MAML3: variants seen among roughly 807,000 people sequenced by gnomAD.
MAML3 encodes mastermind-like protein 3.
Under a neutral mutation model 101.9 loss-of-function variants are expected in MAML3, and 27 were observed. The observed-to-expected ratio is 0.27, with a 90% CI of 0.20 to 0.37. MAML3 has a LOEUF of 0.37. MAML3 is among the 10% of genes least tolerant of loss of function. The probability of loss-of-function intolerance (pLI) is 1.00; values close to 1 mark genes in which losing one functional copy is unlikely to be tolerated. For synonymous variants in MAML3, 501 were observed against 555.9 expected (o/e 0.90, Z 1.39); for missense variants, 1,316 against 1,444.9 (o/e 0.91, Z 1.45).
At chr4:140,138,864 A>C (rs970645389) in intron 1 of MAML3, among the ~76,000 whole-genome samples, 2 of 152,242 alleles carry the variant, frequency 1.3e-5, no homozygotes, top group African/African-American at 2.4e-5. Flanking sequence ...ATCTTCTTTG[A>C]CTTAGTATCC....
chr4:140,029,638 A>G (rs1726877373), intron 1 of MAML3, among the ~76,000 whole-genome samples: 1 of 152,214 alleles, frequency 6.6e-6, no homozygotes, highest in African/African-American at 2.4e-5. Context: ...TAAGCATAAT[A>G]CTATTTATAA....
intron 1 of MAML3, among the ~76,000 whole-genome samples, chr4:139,940,373 C>T (rs1389862059): frequency 6.6e-6 from 1 of 152,012 alleles, no homozygotes; most frequent in Non-Finnish European, 1.5e-5. Flanking sequence ...TAATAGGGCA[C>T]CTAAAGATTG....
intron 2 of MAML3, among the ~76,000 whole-genome samples, chr4:139,821,219 G>A (rs929836806): frequency 4.6e-5 from 7 of 152,110 alleles, no homozygotes; most frequent in African/African-American, 1.7e-4. Context: ...TTAGGCCAGG[G>A]GTCCCCAATC....
intron 1 of MAML3, among the ~76,000 whole-genome samples, chr4:140,143,374 C>G (rs1021461289): frequency 6.6e-6 from 1 of 152,184 alleles, no homozygotes; most frequent in Non-Finnish European, 1.5e-5. Flanking sequence ...ATGAAAGTCA[C>G]TCATTAAAAT....
chr4:139,829,910 T>C (rs1731131713), intron 2 of MAML3, among the ~76,000 whole-genome samples: 1 of 152,220 alleles, frequency 6.6e-6, no homozygotes, highest in African/African-American at 2.4e-5. Context: ...AGAAAGAGGA[T>C]AGCCTCTGTG....
intron 1 of MAML3, among the ~76,000 whole-genome samples, chr4:139,905,003 T>G (rs1369430882): frequency 2.0e-5 from 3 of 152,224 alleles, no homozygotes; most frequent in Admixed American, 6.5e-5. Context: ...TGTCATTATG[T>G]AGCACCTGAC....
chr4:140,025,002 G>T (rs1521495), intron 1 of MAML3, among the ~76,000 whole-genome samples: 126,905 of 152,188 alleles, frequency 0.83, 53,857 homozygotes, highest in Non-Finnish European at 0.91. Flanking sequence ...AAGAGTACTC[G>T]ATGGCTATGT....
At chr4:139,748,965 G>A (rs1464423271) in intron 2 of MAML3, among the ~76,000 whole-genome samples, 4 of 152,082 alleles carry the variant, frequency 2.6e-5, no homozygotes, top group Non-Finnish European at 5.9e-5. Context: ...ATAGAGTGTG[G>A]GCACGATTGT....
intron 1 of MAML3, among the ~76,000 whole-genome samples, chr4:139,976,451 T>C (rs1734341097): frequency 6.6e-6 from 1 of 152,212 alleles, no homozygotes; most frequent in African/African-American, 2.4e-5. Context: ...GAAAGTACTA[T>C]TTATGTCAGG....
chr4:140,040,787 A>AAT (rs924557813), intron 1 of MAML3, among the ~76,000 whole-genome samples: 1 of 152,044 alleles, frequency 6.6e-6, no homozygotes, highest in African/African-American at 2.4e-5. Flanking sequence ...ATAGGATTCA[A>AAT]ATATATATAT....
intron 1 of MAML3, among the ~76,000 whole-genome samples, chr4:140,128,940 C>T (rs187693413): frequency 1.9e-4 from 29 of 152,212 alleles, no homozygotes; most frequent in Middle Eastern, 3.4e-3. Flanking sequence ...GGTAGTCTTC[C>T]GAAGACCTAA....
chr4:139,989,993 GA>G (rs1734634054), intron 1 of MAML3, among the ~76,000 whole-genome samples: 1 of 151,348 alleles, frequency 6.6e-6, no homozygotes, highest in South Asian at 2.1e-4. Context: ...TCAGGTAAAA[GA>G]AAAAAATCAG....
chr4:140,100,493 A>T (rs1190894359), intron 1 of MAML3, among the ~76,000 whole-genome samples: 1 of 152,214 alleles, frequency 6.6e-6, no homozygotes, highest in Non-Finnish European at 1.5e-5. Context: ...GAAGTAACTA[A>T]ACAATGCCCC....
Position 139,765,346 on chromosome 4 carries a change from CT to C in MAML3, c.2080-34680del, listed in dbSNP as rs113559122. 1.5e-3 allele frequency among the ~76,000 whole-genome samples: 236 copies of C among 152,266 alleles called. 1 individual carries two copies. The South Asian group carries it at 0.02, about 13-fold the overall frequency. On this transcript the variant is annotated intron_variant, in intron 2 of 4. Transcript: ENST00000509479. ...AGAATTAAGAATGCTTTCCTTGCTTCTTTTTTTGCACTGTCTAATGTTGTTA... is the reference window on the plus strand; with the variant it reads ...AGAATTAAGAATGCTTTCCTTGCTTCTTTTTTGCACTGTCTAATGTTGTTA...
chr4:140,037,349 T>C (rs944649113), intron 1 of MAML3, among the ~76,000 whole-genome samples: 2 of 152,184 alleles, frequency 1.3e-5, no homozygotes, highest in Admixed American at 1.3e-4. Context: ...CACATTATTA[T>C]CTTTCTGCTC....
intron 1 of MAML3, among the ~76,000 whole-genome samples, chr4:140,030,988 A>C (rs1726899006): frequency 2.0e-5 from 3 of 152,238 alleles, no homozygotes; most frequent in Non-Finnish European, 4.4e-5. Context: ...TTATCTTGTG[A>C]TAGGCAGCGA....
At chr4:139,994,562 A>G (rs903603590) in intron 1 of MAML3, among the ~76,000 whole-genome samples, 1 of 152,170 alleles carries the variant, frequency 6.6e-6, no homozygotes, top group African/African-American at 2.4e-5. Context: ...TGGAAGGCTG[A>G]GGTGGGAGGA....
At chr4:139,725,857 G>T in intron 3 of MAML3, 22 bp from the exon 4 acceptor site, 2 of 1,602,258 alleles carry the variant, frequency 1.2e-6, no homozygotes, top group Non-Finnish European at 1.7e-6. Flanking sequence ...GAACACAAGA[G>T]GGGTGGAGAG....
chr4:140,045,491 CT>C (rs1237764160), intron 1 of MAML3, among the ~76,000 whole-genome samples: 19 of 150,906 alleles, frequency 1.3e-4, no homozygotes, highest in Admixed American at 1.1e-3. Flanking sequence ...TGTATTGGGA[CT>C]TTTTTTCAAT....
Sources: allele counts gnomAD v4.1 joint callset (sites outside exome capture counted in the v4.1 genomes callset), GRCh38; gene constraint gnomAD v4.1.1; transcripts MANE v1.5; gene names NCBI Gene and HGNC (gene_info 2026-07-23, HGNC 2026-07-21).